TBX19: variants seen among roughly 807,000 people sequenced by gnomAD.
The protein encoded by TBX19 is T-box transcription factor TBX19.
TBX19 carries 33 observed loss-of-function variants against 40.9 expected under a neutral mutation model. That is an observed-to-expected ratio of 0.81 (90% CI 0.61 to 1.08). The LOEUF is 1.08. Among genes scored for constraint, TBX19 ranks in the 50% least tolerant of loss-of-function variants. TBX19 has a pLI of 0.00. For synonymous variants in TBX19, 220 were observed against 225.0 expected, an observed-to-expected ratio of 0.98 and a Z score of 0.20; for missense variants, 494 against 574.0, an observed-to-expected ratio of 0.86 and a Z score of 1.42.
At chr1:168,283,486 A>G (rs1341602859) in intron 1 of TBX19, among the ~76,000 whole-genome samples, 1 of 152,160 alleles carries the variant, frequency 6.6e-6, no homozygotes, top group Non-Finnish European at 1.5e-5. Flanking sequence ...CCAACCTCTT[A>G]GTTTCTCAGA....
At chr1:168,283,200 C>A (rs10800349) in intron 1 of TBX19, among the ~76,000 whole-genome samples, 97,846 of 152,064 alleles carry the variant, frequency 0.64, 31,627 homozygotes, top group Non-Finnish European at 0.68. Flanking sequence ...TCATCTTTAA[C>A]GTCATTTAAT....
At chr1:168,306,549 C>T (rs912033840) in intron 6 of TBX19, among the ~76,000 whole-genome samples, 36 of 149,110 alleles carry the variant, frequency 2.4e-4, no homozygotes, top group African/African-American at 8.5e-4. Context: ...TTGCTTGAAT[C>T]CGGGAGGCAG....
intron 4 of TBX19, among the ~76,000 whole-genome samples, chr1:168,300,031 G>C (rs1398508350): frequency 6.6e-6 from 1 of 152,058 alleles, no homozygotes; most frequent in Non-Finnish European, 1.5e-5. Context: ...TACAAAATTA[G>C]AAAAATATGT....
rs761665389 is a variant in TBX19, at chr1:168,305,189, TC to T, written c.912del (p.Ser305GlnfsTer2). The T allele has an allele frequency of 6.2e-7, 1 of 1,611,116 alleles. No homozygotes were observed. Among genetic ancestry groups the T allele is most frequent in the Non-Finnish European group, 8.5e-7 (1 of 1,179,986 alleles). On this transcript the variant is annotated frameshift_variant, in exon 6 of 8. Transcript: ENST00000367821. LOFTEE classifies it high-confidence loss of function. ...CTGCGTACATGCACAGAAACCATTC[TC>T]CCTCAGGTCTGTGACTCTGCTGATT... is the stretch of plus-strand genomic sequence containing the variant. ...PSAYMHRNHS[P>X]SVNLIESSSN...
In TBX19 at chr1:168,312,798, T is replaced by C; in HGVS notation, c.1143T>C (p.Phe381=). 1.2e-6 allele frequency: 2 copies of C among 1,614,226 alleles called. No homozygotes were observed. The highest frequency in any genetic ancestry group is 1.7e-6 in the Non-Finnish European group (2 of 1,180,042). ...PEVHASTPGA[F]LLGNPAVTSP... The stretch of plus-strand genomic sequence containing the variant: ...TGCACGCCAGCACCCCAGGAGCATT[T>C]CTCCTCGGAAACCCAGCTGTGACTT... Residue 381 remains phenylalanine (F), a synonymous_variant, in exon 8 of 8, where the codon TTT becomes TTC. Coordinates refer to ENST00000367821, the MANE Select transcript of TBX19 (RefSeq NM_005149.3).
At chr1:168,302,201 G>A (rs1258610461) in intron 5 of TBX19, among the ~76,000 whole-genome samples, 1 of 152,162 alleles carries the variant, frequency 6.6e-6, no homozygotes, top group Non-Finnish European at 1.5e-5. Context: ...TGCCCGCTGG[G>A]TGCATGAATC....
At position 168,281,117 on chromosome 1, in the gene TBX19, G is replaced by A; in HGVS notation, c.27G>A (p.Arg9=). 1 of 1,614,180 alleles carries A rather than the reference G, an allele frequency of 6.2e-7. No homozygotes were observed. Among genetic ancestry groups the A allele is most frequent in the Non-Finnish European group, 8.5e-7 (1 of 1,180,020 alleles). Reference sequence around the variant, plus strand: ...TGGCCATGAGTGAGCTGGGCACTCGGAAGCCCAGCGATGGCACTGTTTCTC... The same window carrying A: ...TGGCCATGAGTGAGCTGGGCACTCGAAAGCCCAGCGATGGCACTGTTTCTC... MAMSELGT[R]KPSDGTVSHL... The change falls in exon 1 of 8, where the codon CGG becomes CGA. Residue 9 remains arginine, a synonymous_variant. Coordinates refer to ENST00000367821, the MANE Select transcript of TBX19 (RefSeq NM_005149.3).
intron 3 of TBX19, among the ~76,000 whole-genome samples, chr1:168,294,550 G>A (rs1649052898): frequency 6.6e-6 from 1 of 151,764 alleles, no homozygotes; most frequent in Admixed American, 6.6e-5. Flanking sequence ...CACCCAGGCT[G>A]GAGTGCAGTG....
Position 168,313,401 on chromosome 1 carries a change from G to C in TBX19, c.*399G>C, listed in dbSNP as rs999927343. 10 of 290,272 alleles carry C rather than the reference G, an allele frequency of 3.4e-5. No individual in the cohort carries two copies. Among genetic ancestry groups the C allele is most frequent in the African/African-American group, 2.2e-4 (10 of 45,582 alleles). 18.0% of individuals were successfully genotyped at this position (290,272 alleles called of 1,614,324 possible). ...AGCTAAGGCCACTGCTTCCTGCTTT[G>C]TGAAGCCTGGAAAGTATGTGTGGCC... On this transcript the variant is annotated 3_prime_UTR_variant, in exon 8 of 8. Coordinates refer to ENST00000367821, the MANE Select transcript of TBX19 (RefSeq NM_005149.3).
intron 7 of TBX19, among the ~76,000 whole-genome samples, chr1:168,310,829 T>C (rs1211535248): frequency 6.8e-6 from 1 of 146,642 alleles, no homozygotes; most frequent in East Asian, 1.9e-4. Flanking sequence ...ATATTAAAAA[T>C]ATATAAATAT....
In TBX19 at chr1:168,313,549, A is replaced by T. The variant is rs565959388; in HGVS notation, c.*547A>T. 6.0e-6 allele frequency: 1 copy of T among 167,208 alleles called. No homozygotes were observed. Among genetic ancestry groups the T allele is most frequent in the African/African-American group, 2.4e-5 (1 of 41,708 alleles). 10.4% of individuals were successfully genotyped at this position (167,208 alleles called of 1,614,324 possible). On this transcript the variant is annotated 3_prime_UTR_variant, in exon 8 of 8. Coordinates refer to ENST00000367821, the MANE Select transcript of TBX19 (RefSeq NM_005149.3). The stretch of plus-strand genomic sequence containing the variant: ...ACAGCAGTGTGCCCAGACTTGTGGA[A>T]ATGAAGTCATGTCACTCCTCTGCTC...
At chr1:168,289,134 G>T (rs561021239) in intron 1 of TBX19, among the ~76,000 whole-genome samples, 1 of 152,106 alleles carries the variant, frequency 6.6e-6, no homozygotes, top group Non-Finnish European at 1.5e-5. Flanking sequence ...CATATACCTC[G>T]TATAAACGGG....
intron 6 of TBX19, chr1:168,308,487 C>T (rs1205763456): frequency 2.1e-6 from 1 of 482,984 alleles, no homozygotes; most frequent in East Asian, 4.1e-5. Flanking sequence ...ATTCTACCAC[C>T]CTGAGGCGTA....
At chr1:168,298,702 C>A (rs1005360988) in intron 4 of TBX19, among the ~76,000 whole-genome samples, 6 of 147,314 alleles carry the variant, frequency 4.1e-5, no homozygotes, top group African/African-American at 1.5e-4. Context: ...TTCCTTCCTT[C>A]CTTTGCTTCC....
At chr1:168,300,292 T>G (rs1015319671) in intron 4 of TBX19, 130 bp from the exon 5 acceptor site, 2 of 839,934 alleles carry the variant, frequency 2.4e-6, no homozygotes, top group Non-Finnish European at 4.0e-6. Context: ...GGACAGGAGC[T>G]TAGGAAAAAG....
chr1:168,303,951 A>G (rs1470807130), intron 5 of TBX19, among the ~76,000 whole-genome samples: 1 of 152,062 alleles, frequency 6.6e-6, no homozygotes, highest in African/African-American at 2.4e-5. Context: ...TGGCCGGCTT[A>G]TTTACTGCAT....
intron 1 of TBX19, among the ~76,000 whole-genome samples, chr1:168,286,066 A>G (rs889136873): frequency 8.5e-5 from 13 of 152,254 alleles, no homozygotes; most frequent in African/African-American, 2.9e-4. Context: ...ATGGATTAAA[A>G]AATAGTCATT....
Position 168,292,282 on chromosome 1 carries a change from C to T in TBX19, c.468+858C>T, listed in dbSNP as rs77691691. ...AGAAGCTTCCAGTTCCTTATTAAAA[C>T]GGGAAATTGAACAGTAAATTGTTAC... is the stretch of plus-strand genomic sequence containing the variant. On this transcript the variant is annotated intron_variant, in intron 2 of 7. Transcript: ENST00000367821. Among the ~76,000 whole-genome samples, 422 of 152,254 alleles carry T rather than the reference C, an allele frequency of 2.8e-3. 2 individuals carry two copies. Among genetic ancestry groups the T allele is most frequent in the East Asian group, 0.022 (116 of 5,182 alleles).
rs539834349 is a variant in TBX19, at chr1:168,310,264, C to A, written c.1052+1387C>A. Among the ~76,000 whole-genome samples the A allele has an allele frequency of 1.8e-4, 27 of 151,628 alleles. 1 individual carries two copies. Among genetic ancestry groups the A allele is most frequent in the Non-Finnish European group, 3.5e-4 (24 of 67,936 alleles). ...TTGCAGTGAGCTGAGGCACTGCACT[C>A]CAGCCTGGGCAACAAGAGCGAAACT... On this transcript the variant is annotated intron_variant, in intron 7 of 7. Coordinates refer to ENST00000367821, the MANE Select transcript of TBX19 (RefSeq NM_005149.3).
Sources: allele counts gnomAD v4.1 joint callset (sites outside exome capture counted in the v4.1 genomes callset), GRCh38; gene constraint gnomAD v4.1.1; transcripts MANE v1.5; gene names NCBI Gene and HGNC (gene_info 2026-07-23, HGNC 2026-07-21).